PLEKHA6: variants seen among roughly 807,000 people sequenced by gnomAD.
PLEKHA6 encodes pleckstrin homology domain containing A6, also known as pleckstrin homology domain-containing family A member 6.
A neutral mutation model predicts 116.7 loss-of-function variants in PLEKHA6; 60 were observed. That is an observed-to-expected ratio of 0.51 (90% confidence interval 0.42 to 0.64). PLEKHA6 has a LOEUF of 0.64. PLEKHA6 is among the 30% of genes least tolerant of loss of function. The pLI is 0.00. For synonymous variants in PLEKHA6, 489 were observed against 556.1 expected (o/e 0.88, Z 1.70); for missense variants, 1,338 against 1,422.7 (o/e 0.94, Z 0.96).
intron 3 of PLEKHA6, 100 bp from the exon 4 acceptor site, chr1:204,268,412 T>A: frequency 1.4e-6 from 1 of 722,198 alleles, no homozygotes; most frequent in Non-Finnish European, 2.1e-6. Flanking sequence ...TCCCTAGGGT[T>A]AACCCTGGGG....
At chr1:204,307,949 T>G (rs1402060932) in intron 1 of PLEKHA6, 1 of 911,348 alleles carries the variant, frequency 1.1e-6, no homozygotes, top group Admixed American at 6.2e-5. Flanking sequence ...AGACTATTCC[T>G]CCATATTAGG....
chr1:204,231,852 C>T (rs1486426070), intron 17 of PLEKHA6, among the ~76,000 whole-genome samples: 1 of 152,144 alleles, frequency 6.6e-6, no homozygotes, highest in Non-Finnish European at 1.5e-5. Flanking sequence ...AGGTGTGAGC[C>T]ACCATGCCTG....
chr1:204,241,350 T>A (rs1380913299), intron 17 of PLEKHA6, 25 bp downstream of exon 17: 1 of 1,443,926 alleles, frequency 6.9e-7, no homozygotes, highest in African/African-American at 1.4e-5. Flanking sequence ...AGCTCAGGCC[T>A]GCATGAGCTT....
intron 15 of PLEKHA6, chr1:204,243,403 G>A (rs554042598): frequency 2.0e-5 from 8 of 397,954 alleles, no homozygotes; most frequent in Middle Eastern, 6.3e-4. Context: ...ACTCCCACCC[G>A]TGGCCTGAAG....
intron 17 of PLEKHA6, among the ~76,000 whole-genome samples, chr1:204,232,216 G>T (rs1360828575): frequency 1.3e-5 from 2 of 152,222 alleles, no homozygotes; most frequent in Admixed American, 1.3e-4. Context: ...CAAGCAAAGT[G>T]TTGAAGGTGT....
chr1:204,295,724 T>A (rs1440678853), intron 1 of PLEKHA6, among the ~76,000 whole-genome samples: 1 of 151,708 alleles, frequency 6.6e-6, no homozygotes, highest in Non-Finnish European at 1.5e-5. Context: ...CCTCACCCCA[T>A]TTTAGAGGCT....
At chr1:204,230,910 G>T (rs191770349) in intron 17 of PLEKHA6, among the ~76,000 whole-genome samples, 1 of 152,214 alleles carries the variant, frequency 6.6e-6, no homozygotes, top group Non-Finnish European at 1.5e-5. Flanking sequence ...AGAAAGGAAT[G>T]CCAAGGATTG....
intron 1 of PLEKHA6, among the ~76,000 whole-genome samples, chr1:204,287,068 C>T (rs1055480572): frequency 5.3e-5 from 8 of 152,118 alleles, no homozygotes; most frequent in Non-Finnish European, 1.2e-4. Flanking sequence ...CCTGTTCCCA[C>T]CTAATAGGCT....
intron 1 of PLEKHA6, among the ~76,000 whole-genome samples, chr1:204,375,541 A>G (rs1572240608): frequency 6.6e-6 from 1 of 151,966 alleles, no homozygotes; most frequent in East Asian, 1.9e-4. Context: ...GGGCCCCATC[A>G]GCTGTCTCCT....
At chr1:204,334,576 C>T (rs554133861) in intron 1 of PLEKHA6, among the ~76,000 whole-genome samples, 7 of 152,226 alleles carry the variant, frequency 4.6e-5, no homozygotes, top group Admixed American at 4.6e-4. Context: ...ACATATTTAT[C>T]ATTTCTTTGT....
At chr1:204,302,931 A>G (rs766671656) in intron 1 of PLEKHA6, among the ~76,000 whole-genome samples, 4 of 152,158 alleles carry the variant, frequency 2.6e-5, no homozygotes, top group African/African-American at 4.8e-5. Context: ...ACCATCATTC[A>G]TCTGCCCAAC....
At chr1:204,327,187 A>G (rs932424974) in intron 1 of PLEKHA6, among the ~76,000 whole-genome samples, 4 of 152,242 alleles carry the variant, frequency 2.6e-5, no homozygotes, top group African/African-American at 9.6e-5. Context: ...ACAGAAATAC[A>G]GTATTTCATT....
At chr1:204,295,517 A>C (rs1670188365) in intron 1 of PLEKHA6, among the ~76,000 whole-genome samples, 2 of 151,790 alleles carry the variant, frequency 1.3e-5, no homozygotes, top group Admixed American at 6.6e-5. Flanking sequence ...CAACAAAAAA[A>C]AAATTCTAGT....
intron 1 of PLEKHA6, among the ~76,000 whole-genome samples, chr1:204,331,132 G>A (rs145044849): frequency 7.8e-4 from 116 of 148,898 alleles, no homozygotes; most frequent in Non-Finnish European, 1.4e-3. Context: ...CCAAGGAGGC[G>A]AAGGTTGCAG....
chr1:204,235,481 C>G (rs1661908366), intron 17 of PLEKHA6, among the ~76,000 whole-genome samples: 1 of 152,162 alleles, frequency 6.6e-6, no homozygotes, highest in African/African-American at 2.4e-5. Context: ...CTCAAGTATG[C>G]TAAGACTGTC....
chr1:204,241,286 G>A (rs1454329803), intron 17 of PLEKHA6, 89 bp downstream of exon 17: 2 of 795,718 alleles, frequency 2.5e-6, no homozygotes, highest in Non-Finnish European at 4.1e-6. Context: ...TGAATTTCTT[G>A]AACAGCAGAG....
Position 204,222,251 on chromosome 1 carries a change from G to C in PLEKHA6, c.*537C>G, listed in dbSNP as rs1659726682. 1 of 152,740 alleles carries C rather than the reference G, an allele frequency of 6.5e-6. No individual in the cohort carries two copies. The highest frequency in any genetic ancestry group is 1.5e-5 in the Non-Finnish European group (1 of 68,174). 9.5% of individuals were successfully genotyped at this position (152,740 alleles called of 1,614,324 possible). A position where few individuals can be genotyped will look rare whatever the true frequency, so the allele number is the denominator to read the frequency against. On this transcript the variant is annotated 3_prime_UTR_variant, in exon 23 of 23. Transcript: ENST00000272203. ...CACCCATAAGCAAAGCACTGGGTTT[G>C]TGTCAAAGCCCTGGGTCCAGCTGAG...
intron 1 of PLEKHA6, among the ~76,000 whole-genome samples, chr1:204,321,976 G>A (rs1397045295): frequency 6.6e-6 from 1 of 152,344 alleles, no homozygotes; most frequent in South Asian, 2.1e-4. Context: ...CTTAGCAGGA[G>A]ACTAAAAAAT....
In PLEKHA6 at chr1:204,261,495, C is replaced by T. The variant is rs1351012110; in HGVS notation, c.382-47G>A. 1 of 1,553,808 alleles carries T rather than the reference C, an allele frequency of 6.4e-7. No homozygotes were observed. Among genetic ancestry groups the T allele is most frequent in the South Asian group, 1.2e-5 (1 of 81,106 alleles). ...GGAGCTGGCCTCGGCCTCATCCACC[C>T]AGCACACAGTCACCTGTTGGGAGAA... On this transcript the variant is annotated intron_variant, in intron 6 of 22. Transcript: ENST00000272203. The surrounding 1 kb of genome is among the most constrained non-coding windows in gnomAD (Gnocchi z 4.0).
Sources: allele counts gnomAD v4.1 joint callset (sites outside exome capture counted in the v4.1 genomes callset), GRCh38; gene constraint gnomAD v4.1.1; non-coding constraint Gnocchi (gnomAD v3.1); transcripts MANE v1.5; gene names NCBI Gene and HGNC (gene_info 2026-07-23, HGNC 2026-07-21).